ATXN1: variants seen among roughly 807,000 people sequenced by gnomAD.
ATXN1 encodes ataxin 1.
Under a neutral mutation model 56.4 loss-of-function variants are expected in ATXN1, and 8 were observed. That is an observed-to-expected ratio of 0.14 (90% CI 0.08 to 0.26). ATXN1 has a LOEUF of 0.26. Among genes scored for constraint, ATXN1 ranks in the 10% least tolerant of loss-of-function variants. The pLI, the probability that ATXN1 is intolerant of heterozygous loss-of-function variation, is 1.00. For synonymous variants in ATXN1, 514 were observed against 494.6 expected (o/e 1.04, Z -0.52); for missense variants, 987 against 1,106.5 (o/e 0.89, Z 1.53).
chr6:16,517,654 T>C (rs1761210513), intron 5 of ATXN1, among the ~76,000 whole-genome samples: 1 of 152,108 alleles, frequency 6.6e-6, no homozygotes, highest in African/African-American at 2.4e-5. Context: ...AGTGAAGTAT[T>C]ACAGAGCCAG....
intron 3 of ATXN1, among the ~76,000 whole-genome samples, chr6:16,620,360 T>C (rs535127763): frequency 6.6e-6 from 1 of 151,844 alleles, no homozygotes; most frequent in Non-Finnish European, 1.5e-5. Flanking sequence ...TATCTAGCAT[T>C]CAATTCTCCA....
At chr6:16,684,527 C>CTTTTTG (rs1430379558) in intron 2 of ATXN1, among the ~76,000 whole-genome samples, 1 of 152,116 alleles carries the variant, frequency 6.6e-6, no homozygotes, top group African/African-American at 2.4e-5. Flanking sequence ...TTTCTGAAGC[C>CTTTTTG]ACATTTGAAA....
intron 3 of ATXN1, among the ~76,000 whole-genome samples, chr6:16,635,929 G>A (rs1033668252): frequency 2.0e-5 from 3 of 152,114 alleles, no homozygotes; most frequent in Non-Finnish European, 4.4e-5. Context: ...AGGGAAACGC[G>A]GCTCCCTACA....
intron 5 of ATXN1, among the ~76,000 whole-genome samples, chr6:16,507,615 A>C (rs952489065): frequency 6.6e-6 from 1 of 152,208 alleles, no homozygotes; most frequent in Non-Finnish European, 1.5e-5. Context: ...GCCCTCAGAA[A>C]AGCCTAAGTA....
At chr6:16,422,577 G>A (rs114654034) in intron 6 of ATXN1, among the ~76,000 whole-genome samples, 134 of 152,300 alleles carry the variant, frequency 8.8e-4, no homozygotes, top group Non-Finnish European at 1.4e-3. Flanking sequence ...TACCTCCACA[G>A]TGAAATCTCC....
At chr6:16,366,024 C>T (rs776910806) in intron 6 of ATXN1, among the ~76,000 whole-genome samples, 4 of 152,132 alleles carry the variant, frequency 2.6e-5, no homozygotes, top group Non-Finnish European at 5.9e-5. Flanking sequence ...TCATTCTGAT[C>T]TCTTCTCAGC....
At chr6:16,493,179 T>C (rs559360564) in intron 5 of ATXN1, among the ~76,000 whole-genome samples, 2 of 152,318 alleles carry the variant, frequency 1.3e-5, no homozygotes, top group African/African-American at 2.4e-5. Flanking sequence ...CCTTCATTGG[T>C]TCCTACAGCT....
chr6:16,584,643 C>A (rs937113067), intron 4 of ATXN1, among the ~76,000 whole-genome samples: 1 of 149,066 alleles, frequency 6.7e-6, no homozygotes, highest in East Asian at 1.9e-4. Context: ...ACCCCCCCCA[C>A]CCCCAAAACC....
intron 2 of ATXN1, among the ~76,000 whole-genome samples, chr6:16,676,273 G>T (rs1356293191): frequency 1.3e-5 from 2 of 152,148 alleles, no homozygotes; most frequent in Non-Finnish European, 2.9e-5. Flanking sequence ...CTCTTACATG[G>T]ACTGAGACTC....
chr6:16,396,568 C>T (rs781718704), intron 6 of ATXN1, among the ~76,000 whole-genome samples: 6 of 152,048 alleles, frequency 3.9e-5, no homozygotes, highest in South Asian at 2.1e-4. Context: ...GTAAGCTGAG[C>T]GTGGTTAATT....
At chr6:16,687,525 A>G (rs2113411259) in intron 2 of ATXN1, among the ~76,000 whole-genome samples, 1 of 152,212 alleles carries the variant, frequency 6.6e-6, no homozygotes, top group Middle Eastern at 3.4e-3. Flanking sequence ...GAAAAAAAAA[A>G]ACTTTAGAGA....
At chr6:16,626,825 G>C (rs181640363) in intron 3 of ATXN1, among the ~76,000 whole-genome samples, 148 of 152,292 alleles carry the variant, frequency 9.7e-4, no homozygotes, top group Non-Finnish European at 9.6e-4. Context: ...TGTAACAGGA[G>C]ACTGGGACAC....
intron 4 of ATXN1, among the ~76,000 whole-genome samples, chr6:16,563,115 G>C (rs542648713): frequency 5.9e-5 from 9 of 152,130 alleles, no homozygotes; most frequent in Non-Finnish European, 1.0e-4. Context: ...AAGGGAAAAA[G>C]AGAGTAGAAG....
chr6:16,336,436 G>A (rs1481890562), intron 6 of ATXN1, among the ~76,000 whole-genome samples: 1 of 152,164 alleles, frequency 6.6e-6, no homozygotes, highest in Non-Finnish European at 1.5e-5. Context: ...AGACTGATCA[G>A]TGACCAAGGA....
intron 6 of ATXN1, among the ~76,000 whole-genome samples, chr6:16,403,270 G>A (rs538136194): frequency 4.6e-5 from 7 of 152,158 alleles, no homozygotes; most frequent in Non-Finnish European, 7.3e-5. Flanking sequence ...CGGGCAAGAG[G>A]TTGAAATCCC....
intron 2 of ATXN1, among the ~76,000 whole-genome samples, chr6:16,689,360 C>T (rs1000453537): frequency 1.3e-5 from 2 of 152,008 alleles, no homozygotes; most frequent in African/African-American, 4.8e-5. Flanking sequence ...CTTGCTCAGG[C>T]TAGAGCGCAG....
At chr6:16,309,513 T>TCTGTTAGCC (rs1760339490) in intron 7 of ATXN1, among the ~76,000 whole-genome samples, 1 of 151,854 alleles carries the variant, frequency 6.6e-6, no homozygotes, top group Non-Finnish European at 1.5e-5. Flanking sequence ...ATAATTTGAA[T>TCTGTTAGCC]CCTAGGAGGA....
intron 2 of ATXN1, among the ~76,000 whole-genome samples, chr6:16,679,221 A>T (rs62387976): frequency 6.8e-6 from 1 of 147,860 alleles, no homozygotes; most frequent in African/African-American, 2.5e-5. Context: ...GATGGGTGGA[A>T]GGATGAATAG....
rs573665178 is a variant in ATXN1, at chr6:16,506,580, A to C, written c.-299+16047T>G. Among the ~76,000 whole-genome samples, 1 of 152,330 alleles carries C rather than the reference A, an allele frequency of 6.6e-6. No individual in the cohort carries two copies. Among genetic ancestry groups the C allele is most frequent in the African/African-American group, 2.4e-5 (1 of 41,562 alleles). On this transcript the variant is annotated intron_variant, in intron 5 of 7. Coordinates refer to ENST00000436367, the MANE Select transcript of ATXN1 (RefSeq NM_001128164.2). The surrounding 1 kb of genome is among the most constrained non-coding windows in gnomAD (Gnocchi z 4.1). ...CAGAATCCATTTACATGATGAATTCAATGATATATTATAATGTCTTGTTCA... is the reference window on the plus strand; with the variant it reads ...CAGAATCCATTTACATGATGAATTCCATGATATATTATAATGTCTTGTTCA...
Sources: allele counts gnomAD v4.1 joint callset (sites outside exome capture counted in the v4.1 genomes callset), GRCh38; gene constraint gnomAD v4.1.1; non-coding constraint Gnocchi (gnomAD v3.1); transcripts MANE v1.5; gene names NCBI Gene and HGNC (gene_info 2026-07-23, HGNC 2026-07-21).